Variants in GHR observed in about 807,000 individuals in gnomAD.
GHR encodes the protein GH receptor.
A neutral mutation model predicts 67.1 loss-of-function variants in GHR; 35 were observed. That is an observed-to-expected ratio of 0.52 (90% confidence interval 0.40 to 0.69). The LOEUF is 0.69. GHR is among the 30% of genes least tolerant of loss of function. The pLI is 0.00. For missense variants in GHR, 792 were observed against 764.6 expected, an observed-to-expected ratio of 1.04 and a Z score of -0.42; for synonymous variants, 272 against 269.1, an observed-to-expected ratio of 1.01 and a Z score of -0.10.
At chr5:42,556,071 A>G (rs1295031863) in intron 1 of GHR, among the ~76,000 whole-genome samples, 1 of 152,076 alleles carries the variant, frequency 6.6e-6, no homozygotes. Context: ...TTGGTTTCCC[A>G]ACTTGTTTAC....
chr5:42,480,343 C>T (rs529023407), intron 1 of GHR, among the ~76,000 whole-genome samples: 2 of 152,270 alleles, frequency 1.3e-5, no homozygotes, highest in Admixed American at 6.5e-5. Flanking sequence ...TGGTATGGTG[C>T]TGAAAAGAAT....
chr5:42,546,244 G>T (rs1431862702), intron 1 of GHR, among the ~76,000 whole-genome samples: 1 of 152,196 alleles, frequency 6.6e-6, no homozygotes, highest in Non-Finnish European at 1.5e-5. Context: ...GGATGAACTA[G>T]AAGGATCTAG....
At chr5:42,437,157 T>C (rs1217539801) in intron 1 of GHR, among the ~76,000 whole-genome samples, 1 of 152,228 alleles carries the variant, frequency 6.6e-6, no homozygotes, top group Non-Finnish European at 1.5e-5. Context: ...AGGAATAAGC[T>C]GGGATTGGCC....
At chr5:42,604,556 G>A (rs1752528885) in intron 2 of GHR, among the ~76,000 whole-genome samples, 2 of 152,140 alleles carry the variant, frequency 1.3e-5, no homozygotes, top group African/African-American at 4.8e-5. Context: ...AAAAGGAACA[G>A]GTGAATAGAG....
chr5:42,644,409 A>G (rs965667234), intron 3 of GHR, among the ~76,000 whole-genome samples: 1 of 152,162 alleles, frequency 6.6e-6, no homozygotes, highest in African/African-American at 2.4e-5. Context: ...CAGTAAGCTG[A>G]AAGAAATTGT....
intron 6 of GHR, among the ~76,000 whole-genome samples, chr5:42,709,002 C>A (rs1758319197): frequency 6.6e-6 from 1 of 152,230 alleles, no homozygotes; most frequent in South Asian, 2.1e-4. Context: ...AAGAAACAAA[C>A]AATATAATTG....
intron 1 of GHR, among the ~76,000 whole-genome samples, chr5:42,532,029 GA>G (rs1237002427): frequency 1.3e-5 from 2 of 151,902 alleles, no homozygotes; most frequent in Non-Finnish European, 2.9e-5. Flanking sequence ...ACATCTCTGG[GA>G]ATACTTGTGA....
At chr5:42,634,558 C>T (rs1242184450) in intron 3 of GHR, among the ~76,000 whole-genome samples, 2 of 150,984 alleles carry the variant, frequency 1.3e-5, no homozygotes, top group Non-Finnish European at 2.9e-5. Context: ...AAAAAATAAA[C>T]AGAAGCCAAG....
intron 1 of GHR, among the ~76,000 whole-genome samples, chr5:42,564,949 C>T (rs918228063): frequency 5.3e-5 from 8 of 152,210 alleles, no homozygotes; most frequent in African/African-American, 9.7e-5. Flanking sequence ...AAAGGCAATA[C>T]GCTGAGTTCA....
intron 1 of GHR, among the ~76,000 whole-genome samples, chr5:42,544,870 G>C (rs1385330901): frequency 1.3e-5 from 2 of 152,078 alleles, no homozygotes; most frequent in Non-Finnish European, 1.5e-5. Context: ...TCCTATAAAA[G>C]ATATATGATG....
intron 6 of GHR, among the ~76,000 whole-genome samples, chr5:42,705,094 T>C (rs1579646944): frequency 1.3e-5 from 2 of 152,142 alleles, no homozygotes; most frequent in East Asian, 3.8e-4. Context: ...TACATAAACA[T>C]AATACATCAC....
chr5:42,656,562 A>G (rs889795669), intron 3 of GHR, among the ~76,000 whole-genome samples: 7 of 152,136 alleles, frequency 4.6e-5, no homozygotes, highest in African/African-American at 1.7e-4. Context: ...ATGGCCAGAG[A>G]AAAAAATCTT....
At chr5:42,441,730 C>G (rs891223778) in intron 1 of GHR, among the ~76,000 whole-genome samples, 14 of 152,082 alleles carry the variant, frequency 9.2e-5, no homozygotes, top group African/African-American at 3.4e-4. Context: ...AGGATGGTCT[C>G]GATCTCCTGA....
chr5:42,473,150 T>C (rs537515139), intron 1 of GHR, among the ~76,000 whole-genome samples: 8 of 152,308 alleles, frequency 5.3e-5, no homozygotes, highest in Admixed American at 1.3e-4. Flanking sequence ...GAATTCACCC[T>C]AACTGGGTGA....
chr5:42,489,452 C>G (rs1035953405), intron 1 of GHR, among the ~76,000 whole-genome samples: 5 of 152,048 alleles, frequency 3.3e-5, no homozygotes, highest in African/African-American at 1.2e-4. Flanking sequence ...ATCTTGGTCT[C>G]CATAATTTCT....
At chr5:42,597,564 T>A (rs2112618951) in intron 2 of GHR, among the ~76,000 whole-genome samples, 1 of 152,228 alleles carries the variant, frequency 6.6e-6, no homozygotes, top group South Asian at 2.1e-4. Flanking sequence ...AGGAAAGACT[T>A]ACTAGGTCCT....
intron 1 of GHR, among the ~76,000 whole-genome samples, chr5:42,562,278 C>T (rs1295300559): frequency 1.3e-5 from 2 of 152,054 alleles, no homozygotes; most frequent in African/African-American, 2.4e-5. Context: ...AGAGAGTTCT[C>T]CAGAGGAGTG....
intron 1 of GHR, among the ~76,000 whole-genome samples, chr5:42,474,321 G>GA (rs781441577): frequency 7.3e-6 from 1 of 136,214 alleles, no homozygotes; most frequent in African/African-American, 3.0e-5. Context: ...AAGAAAGAAA[G>GA]AAAGAAAGAA....
intron 6 of GHR, among the ~76,000 whole-genome samples, chr5:42,702,465 G>A (rs912757768): frequency 2.0e-5 from 3 of 151,872 alleles, no homozygotes; most frequent in Admixed American, 6.6e-5. Context: ...AACATAGGTC[G>A]ATTCTATTTC....
Sources: gnomAD v4.1 joint callset for allele counts (sites outside exome capture counted in the v4.1 genomes callset) on GRCh38, gnomAD v4.1.1 for gene constraint, MANE v1.5 for transcripts, NCBI Gene and HGNC (gene_info 2026-07-23, HGNC 2026-07-21) for gene names.